THOC5: variants seen among roughly 807,000 people sequenced by gnomAD.
THOC5 encodes THO complex subunit 5.
A neutral mutation model predicts 92.9 loss-of-function variants in THOC5; 43 were observed. That is an observed-to-expected ratio of 0.46 (90% confidence interval 0.36 to 0.60). THOC5 has a LOEUF of 0.60. Among genes scored for constraint, THOC5 ranks in the 20% least tolerant of loss-of-function variants. The pLI, the probability that THOC5 is intolerant of heterozygous loss-of-function variation, is 0.00. For synonymous variants in THOC5, 296 were observed against 320.1 expected, an observed-to-expected ratio of 0.92 and a Z score of 0.80; for missense variants, 659 against 849.4, an observed-to-expected ratio of 0.78 and a Z score of 2.79.
chr22:29,529,704 G>A (rs2063615301), intron 8 of THOC5, among the ~76,000 whole-genome samples: 1 of 152,192 alleles, frequency 6.6e-6, no homozygotes, highest in Non-Finnish European at 1.5e-5. Context: ...TTAACTGGGA[G>A]GCAGTAGGAC....
At chr22:29,513,125 C>T (rs147681224) in intron 17 of THOC5, among the ~76,000 whole-genome samples, 3,357 of 148,854 alleles carry the variant, frequency 0.023, 138 homozygotes, top group African/African-American at 0.078. Flanking sequence ...CCGAGGTGGG[C>T]GGATCACGAG....
chr22:29,553,101 C>T (rs555784214), intron 1 of THOC5, among the ~76,000 whole-genome samples: 1 of 152,140 alleles, frequency 6.6e-6, no homozygotes, highest in African/African-American at 2.4e-5. Flanking sequence ...ACAAACACTG[C>T]GGAAGGCTGC....
At position 29,531,963 on chromosome 22, in the gene THOC5, C is replaced by T. The variant is rs768373921; in HGVS notation, c.715G>A (p.Ala239Thr). 3 of 1,613,870 alleles carry T rather than the reference C, an allele frequency of 1.9e-6. No homozygotes were observed. The East Asian group carries it at 6.7e-5, about 36-fold the overall frequency. The change falls in exon 8 of 20, where the codon GCT becomes ACT. Residue 239 changes from alanine to threonine, a missense_variant and splice_region_variant. By Grantham distance (58) the Ala-to-Thr change is moderately conservative. Transcript: ENST00000490103. ...LQPRLNSIMQASLPVQEYLFM... is the reference protein window; with the variant it reads ...LQPRLNSIMQTSLPVQEYLFM... ...AGGTACTCCTGCACCGGAAGGGAAGCCTGCACACAAGAGACAGATTTTTGT... is the reference window on the plus strand; with the variant it reads ...AGGTACTCCTGCACCGGAAGGGAAGTCTGCACACAAGAGACAGATTTTTGT...
At position 29,531,704 on chromosome 22, in the gene THOC5, C is replaced by A. The variant is rs554411769; in HGVS notation, c.847+127G>T. On this transcript the variant is annotated intron_variant, in intron 8 of 19. Coordinates refer to ENST00000490103, the MANE Select transcript of THOC5 (RefSeq NM_003678.5). Reference sequence around the variant, plus strand: ...GCTGGGCAATGCAGAGGGAAGAAAGCTTCTGTCACCTGAGGGCTTCGGGCA... The same window carrying A: ...GCTGGGCAATGCAGAGGGAAGAAAGATTCTGTCACCTGAGGGCTTCGGGCA... The A allele has an allele frequency of 7.4e-6, 11 of 1,480,564 alleles. No individual in the cohort carries two copies. In the African/African-American group the frequency reaches 1.3e-4, roughly 17 times the overall value. The allele number at this position is 1,480,564 out of a possible 1,614,324, so 91.7% of individuals were successfully genotyped here.
Position 29,507,356 on chromosome 22 carries a change from T to C in THOC5, c.*1101A>G, listed in dbSNP as rs2146415202. ...AATAGTAGATATATATTTTCTTCCT[T>C]ATGGCTTTCTTATTTATTTATTTTT... On this transcript the variant is annotated 3_prime_UTR_variant, in exon 20 of 20. Coordinates refer to ENST00000490103, the MANE Select transcript of THOC5 (RefSeq NM_003678.5). 1 of 152,266 alleles carries C rather than the reference T, an allele frequency of 6.6e-6. No individual in the cohort carries two copies. The highest frequency in any genetic ancestry group is 2.1e-4 in the South Asian group (1 of 4,814). The allele number at this position is 152,266 out of a possible 1,614,324, so 9.4% of individuals were successfully genotyped here.
At chr22:29,550,650 T>A (rs1157717219) in intron 1 of THOC5, 1 of 152,148 alleles carries the variant, frequency 6.6e-6, no homozygotes, top group Non-Finnish European at 1.5e-5. Flanking sequence ...CTTTCATGGC[T>A]ATGAGTCCCC....
At chr22:29,526,518 C>T (rs968994296) in intron 11 of THOC5, among the ~76,000 whole-genome samples, 1 of 151,300 alleles carries the variant, frequency 6.6e-6, no homozygotes, top group Admixed American at 6.6e-5. Flanking sequence ...GGCAACAGAG[C>T]GAGACTCTGT....
At chr22:29,552,049 G>A (rs564371647) in intron 1 of THOC5, among the ~76,000 whole-genome samples, 2 of 152,316 alleles carry the variant, frequency 1.3e-5, no homozygotes, top group South Asian at 4.1e-4. Context: ...GGCCTCCCGA[G>A]GTGCCAGGAT....
chr22:29,515,039 T>G (rs2063307210), intron 17 of THOC5, among the ~76,000 whole-genome samples: 1 of 146,294 alleles, frequency 6.8e-6, no homozygotes, highest in Non-Finnish European at 1.5e-5. Flanking sequence ...ATATATATTG[T>G]TTTTTGTTGT....
intron 5 of THOC5, 119 bp from the exon 6 acceptor site, chr22:29,539,595 T>A: frequency 1.9e-6 from 2 of 1,039,348 alleles, no homozygotes; most frequent in South Asian, 3.4e-5. Context: ...GATCCTGGAA[T>A]CCAGTCTTCT....
At chr22:29,512,355 A>G (rs759138016) in intron 17 of THOC5, among the ~76,000 whole-genome samples, 6 of 152,210 alleles carry the variant, frequency 3.9e-5, no homozygotes, top group Non-Finnish European at 8.8e-5. Flanking sequence ...GGACTTTGAC[A>G]TATTTACTGT....
intron 1 of THOC5, among the ~76,000 whole-genome samples, chr22:29,550,334 C>T (rs1351942124): frequency 6.6e-6 from 1 of 151,662 alleles, no homozygotes; most frequent in Non-Finnish European, 1.5e-5. Context: ...TTTATGCCTC[C>T]TAGTCCTGCC....
At chr22:29,533,147 A>C (rs961572843) in intron 7 of THOC5, among the ~76,000 whole-genome samples, 2 of 152,216 alleles carry the variant, frequency 1.3e-5, no homozygotes, top group African/African-American at 4.8e-5. Context: ...GATTCAATGC[A>C]ATCCCTGTCA....
chr22:29,527,884 T>A (rs890786977), intron 11 of THOC5, among the ~76,000 whole-genome samples, 194 bp downstream of exon 11: 1 of 152,242 alleles, frequency 6.6e-6, no homozygotes, highest in African/African-American at 2.4e-5. Flanking sequence ...TGGAGTTTTG[T>A]TGCTATGTTG....
chr22:29,522,346 C>T (rs886781765), intron 12 of THOC5, among the ~76,000 whole-genome samples: 7 of 151,024 alleles, frequency 4.6e-5, no homozygotes, highest in African/African-American at 9.7e-5. Context: ...GGTGACAGAG[C>T]GAGACTCTGT....
chr22:29,526,068 C>A, intron 11 of THOC5, 122 bp from the exon 12 acceptor site: 1 of 661,560 alleles, frequency 1.5e-6, no homozygotes. Flanking sequence ...AGGTATTATG[C>A]CCACTACCTA....
At chr22:29,539,223 T>G in intron 6 of THOC5, 107 bp downstream of exon 6, 1 of 1,212,950 alleles carries the variant, frequency 8.2e-7, no homozygotes, top group Non-Finnish European at 1.2e-6. Context: ...TGGGATTTGG[T>G]CTTAGAAACT....
Position 29,536,675 on chromosome 22 carries a change from C to T in THOC5, c.663G>A (p.Val221=), listed in dbSNP as rs764404377. Residue 221 remains valine, a synonymous_variant, in exon 7 of 20, where the codon GTG becomes GTA. Coordinates refer to ENST00000490103, the MANE Select transcript of THOC5 (RefSeq NM_003678.5). ...NKEKILKEIE[V]KKEYLSSLQP... ...GGAGGCTGCTCAGGTACTCCTTCTT[C>T]ACCTCAATCTCCTTGAGAATCTTCT... 2 of 1,613,964 alleles carry T rather than the reference C, an allele frequency of 1.2e-6. No individual in the cohort carries two copies. The highest frequency in any genetic ancestry group is 8.5e-7 in the Non-Finnish European group (1 of 1,179,802).
intron 3 of THOC5, 35 bp downstream of exon 3, chr22:29,544,425 C>T (rs1213479200): frequency 1.2e-6 from 2 of 1,602,990 alleles, no homozygotes; most frequent in Non-Finnish European, 1.7e-6. Context: ...TATGTAAACC[C>T]ACCAGGTTCA....
Sources: allele counts gnomAD v4.1 joint callset (sites outside exome capture counted in the v4.1 genomes callset), GRCh38; gene constraint gnomAD v4.1.1; transcripts MANE v1.5; gene names NCBI Gene and HGNC (gene_info 2026-07-23, HGNC 2026-07-21).